FRAS1: variants seen among roughly 807,000 people sequenced by gnomAD.
FRAS1 encodes Fraser extracellular matrix complex subunit 1, also known as extracellular matrix organizing protein FRAS1.
In FRAS1, 290 loss-of-function variants were observed where a neutral mutation model predicts 435.2. The observed-to-expected ratio is 0.67, with a 90% CI of 0.61 to 0.73. The LOEUF is 0.73. Among genes scored for constraint, FRAS1 ranks in the 30% least tolerant of loss-of-function variants. The pLI, the probability that FRAS1 is intolerant of heterozygous loss-of-function variation, is 0.00. For synonymous variants in FRAS1, 1,800 were observed against 1,851.0 expected (o/e 0.97, Z 0.71); for missense variants, 4,860 against 5,001.5 (o/e 0.97, Z 0.85).
intron 53 of FRAS1, 93 bp from the exon 54 acceptor site, chr4:78,475,345 C>A: frequency 7.1e-7 from 1 of 1,415,886 alleles, no homozygotes; most frequent in Non-Finnish European, 9.8e-7. Flanking sequence ...CTACCTAATG[C>A]CAAGAACCAA....
chr4:78,330,481 C>T lies in FRAS1; in HGVS notation c.2138-2791C>T, dbSNP rs545370545. 2.0e-5 allele frequency among the ~76,000 whole-genome samples: 3 copies of T among 152,322 alleles called. No homozygotes were observed. The East Asian group carries it at 5.8e-4, about 29-fold the overall frequency. On this transcript the variant is annotated intron_variant, in intron 18 of 73. Transcript: ENST00000512123. ...AAACTCTGACCACTGGTGAGCCATG[C>T]AGAACAGAGCCATATTTCTCTTCTT...
At chr4:78,318,354 GGA>G (rs1729361138) in intron 17 of FRAS1, among the ~76,000 whole-genome samples, 1 of 152,158 alleles carries the variant, frequency 6.6e-6, no homozygotes, top group African/African-American at 2.4e-5. Context: ...TTTGTTGCCT[GGA>G]CCCCTATGTA....
At chr4:78,431,002 G>A (rs1253203616) in intron 37 of FRAS1, among the ~76,000 whole-genome samples, 2 of 152,194 alleles carry the variant, frequency 1.3e-5, no homozygotes, top group Admixed American at 6.5e-5. Flanking sequence ...AAGAACACAA[G>A]TGAATCTAAT....
chr4:78,317,081 C>T (rs2110234545), intron 16 of FRAS1, among the ~76,000 whole-genome samples: 1 of 152,254 alleles, frequency 6.6e-6, no homozygotes, highest in East Asian at 1.9e-4. Flanking sequence ...TAATGCCTAC[C>T]TCATAATGTT....
intron 56 of FRAS1, among the ~76,000 whole-genome samples, chr4:78,480,165 T>C (rs1719968930): frequency 6.6e-6 from 1 of 152,192 alleles, no homozygotes; most frequent in Admixed American, 6.5e-5. Flanking sequence ...TAGGGAATAC[T>C]AGGTCTTCTT....
rs2109914439 is a variant in FRAS1, at chr4:78,544,246, A to C, written c.*3122A>C. 1 of 152,674 alleles carries C rather than the reference A, an allele frequency of 6.5e-6. No homozygotes were observed. The highest frequency in any genetic ancestry group is 2.1e-4 in the South Asian group (1 of 4,826). 9.5% of individuals were successfully genotyped at this position (152,674 alleles called of 1,614,324 possible). A position where few individuals can be genotyped will look rare whatever the true frequency, so the allele number is the denominator to read the frequency against. On this transcript the variant is annotated 3_prime_UTR_variant, in exon 74 of 74. Transcript: ENST00000512123. ...ATATGCCACTATATAAATTTGTATT[A>C]ATAAATGACAGTCTTGTTGGTTTTT...
At chr4:78,316,246 A>G (rs1327269955) in intron 16 of FRAS1, among the ~76,000 whole-genome samples, 1 of 152,134 alleles carries the variant, frequency 6.6e-6, no homozygotes, top group Non-Finnish European at 1.5e-5. Context: ...AAACATACCC[A>G]TTTGAGACTT....
chr4:78,400,887 G>C lies in FRAS1; in HGVS notation c.4129G>C (p.Gly1377Arg). ...GATTACACAAGACTACCCCCAGTTT[G>C]GTAACTATTTTTTCCTTTGGCGTGG... ...YKITQDYPQF[G>R]EVVLLVNMPA... Residue 1377 changes from glycine to arginine, a missense_variant and splice_region_variant, in exon 30 of 74, where the codon GGG becomes CGG. By Grantham distance (125) the Gly-to-Arg change is moderately radical (BLOSUM62 -2). Transcript: ENST00000512123. 1 of 1,613,068 alleles carries C rather than the reference G, an allele frequency of 6.2e-7. No individual in the cohort carries two copies. The highest frequency in any genetic ancestry group is 8.5e-7 in the Non-Finnish European group (1 of 1,179,528).
At position 78,265,071 on chromosome 4, in the gene FRAS1, C is replaced by A. The variant is rs1298345659; in HGVS notation, c.650C>A (p.Ser217Tyr). ...RVPGKCCPQC[S>Y]ARSCSAAGQV... ...CCTGGAAAATGTTGCCCGCAGTGCTCTGCAAGATCCTGCTCTGCAGCTGGC... is the reference window on the plus strand; with the variant it reads ...CCTGGAAAATGTTGCCCGCAGTGCTATGCAAGATCCTGCTCTGCAGCTGGC... Residue 217 changes from serine to tyrosine, a missense_variant, in exon 7 of 74, where the codon TCT (serine) becomes TAT (tyrosine). Coordinates refer to ENST00000512123, the MANE Select transcript of FRAS1 (RefSeq NM_025074.7). 5.0e-6 allele frequency: 8 copies of A among 1,613,410 alleles called. No individual in the cohort carries two copies. The highest frequency in any genetic ancestry group is 6.8e-6 in the Non-Finnish European group (8 of 1,179,578).
chr4:78,428,476 A>C (rs1299083778), intron 35 of FRAS1, among the ~76,000 whole-genome samples: 2 of 152,112 alleles, frequency 1.3e-5, no homozygotes, highest in Non-Finnish European at 2.9e-5. Context: ...GTGCCCGCCA[A>C]CATGCCTGGC....
chr4:78,495,201 T>C (rs1720477641), intron 59 of FRAS1, among the ~76,000 whole-genome samples: 1 of 152,178 alleles, frequency 6.6e-6, no homozygotes, highest in Admixed American at 6.6e-5. Context: ...TTTCTTATAT[T>C]TCCCAAATAT....
chr4:78,534,441 G>A lies in FRAS1; in HGVS notation c.10926-8G>A. 6.2e-7 allele frequency: 1 copy of A among 1,606,494 alleles called. No homozygotes were observed. Among genetic ancestry groups the A allele is most frequent in the Non-Finnish European group, 8.5e-7 (1 of 1,176,132 alleles). ...CTCAAAGAGCTCTTTGTTTCTCCTTGCATTTAGATTCCTGATACCCATTGC... is the reference window on the plus strand; with the variant it reads ...CTCAAAGAGCTCTTTGTTTCTCCTTACATTTAGATTCCTGATACCCATTGC... On this transcript the variant is annotated splice_polypyrimidine_tract_variant and splice_region_variant and intron_variant, in intron 70 of 73. Coordinates refer to ENST00000512123, the MANE Select transcript of FRAS1 (RefSeq NM_025074.7).
At chr4:78,408,214 C>T (rs969033472) in intron 31 of FRAS1, among the ~76,000 whole-genome samples, 6 of 151,992 alleles carry the variant, frequency 3.9e-5, no homozygotes, top group Non-Finnish European at 7.4e-5. Context: ...AAACTGCCCC[C>T]GTGATTGTTG....
At chr4:78,158,705 C>A (rs1720997751) in intron 2 of FRAS1, among the ~76,000 whole-genome samples, 2 of 152,162 alleles carry the variant, frequency 1.3e-5, no homozygotes, top group African/African-American at 2.4e-5. Context: ...AGCCTCCAAG[C>A]AAATGGCACT....
At chr4:78,486,239 C>T (rs1720164486) in intron 58 of FRAS1, among the ~76,000 whole-genome samples, 1 of 152,194 alleles carries the variant, frequency 6.6e-6, no homozygotes, top group African/African-American at 2.4e-5. Flanking sequence ...TTTACATTCA[C>T]TTCATCAGTT....
In FRAS1 at chr4:78,278,842, G is replaced by T. The variant is rs1727187634; in HGVS notation, c.1071+98G>T. ...TCTTGTTTCTTTTGCCCATTCATTT[G>T]TTCAACAAATGTTATTGTGCACCTA... On this transcript the variant is annotated intron_variant, in intron 10 of 73. Coordinates refer to ENST00000512123, the MANE Select transcript of FRAS1 (RefSeq NM_025074.7). 9 of 757,278 alleles carry T rather than the reference G, an allele frequency of 1.2e-5. No homozygotes were observed. The South Asian group carries it at 1.3e-4, about 11-fold the overall frequency. The allele number at this position is 757,278 out of a possible 1,614,324, so 46.9% of individuals were successfully genotyped here.
In FRAS1 at chr4:78,488,953, G is replaced by A. The variant is rs531059070; in HGVS notation, c.8831G>A (p.Ser2944Asn). 15 of 1,613,562 alleles carry A rather than the reference G, an allele frequency of 9.3e-6. No homozygotes were observed. Among genetic ancestry groups the A allele is most frequent in the Middle Eastern group, 1.6e-4 (1 of 6,072 alleles). ...EGVLHVPITR[S>N]GDLSYESSVR... ...GTCCTGCATGTCCCTATCACTCGGAGCGGAGACCTGAGCTATGAGTCATCA... is the reference window on the plus strand; with the variant it reads ...GTCCTGCATGTCCCTATCACTCGGAACGGAGACCTGAGCTATGAGTCATCA... The change falls in exon 59 of 74, where the codon AGC becomes AAC. Residue 2944 changes from serine to asparagine, a missense_variant. Ser to Asn is a conservative substitution (Grantham distance 46, BLOSUM62 1). Coordinates refer to ENST00000512123, the MANE Select transcript of FRAS1 (RefSeq NM_025074.7).
chr4:78,438,931 A>T lies in FRAS1; in HGVS notation c.5396A>T (p.His1799Leu). Residue 1799 changes from histidine (H) to leucine (L), a missense_variant, in exon 40 of 74, where the codon CAT (histidine) becomes CTT (leucine). His to Leu is a moderately conservative substitution (Grantham distance 99). Transcript: ENST00000512123. ...TCAGCTGTGTTTGAAACTGATGGTC[A>T]TCTGGTTACTGATAGCTTCTATTTC... ...RYSAVFETDGHLVTDSFYFSV... is the reference protein window; with the variant it reads ...RYSAVFETDGLLVTDSFYFSV... The T allele has an allele frequency of 6.2e-7, 1 of 1,610,408 alleles. No individual in the cohort carries two copies. The highest frequency in any genetic ancestry group is 8.5e-7 in the Non-Finnish European group (1 of 1,179,196).
At chr4:78,117,033 C>T (rs1026996205) in intron 2 of FRAS1, among the ~76,000 whole-genome samples, 3 of 152,182 alleles carry the variant, frequency 2.0e-5, no homozygotes, top group Admixed American at 1.3e-4. Context: ...CTGGTGGCGA[C>T]AAAATCTCTC....
Sources: allele counts gnomAD v4.1 joint callset (sites outside exome capture counted in the v4.1 genomes callset), GRCh38; gene constraint gnomAD v4.1.1; transcripts MANE v1.5; gene names NCBI Gene and HGNC (gene_info 2026-07-23, HGNC 2026-07-21).